The following SERPINE3 variants were observed in gnomAD, a reference collection of about 807,000 sequenced individuals.
SERPINE3 encodes the protein serpin E3.
In SERPINE3, 43 loss-of-function variants were observed where a neutral mutation model predicts 41.7. That is an observed-to-expected ratio of 1.03 (90% CI 0.81 to 1.33). The LOEUF (loss-of-function observed/expected upper bound fraction) is 1.33, where lower values mean the gene tolerates loss of function less well. Among genes scored for constraint, SERPINE3 ranks in the 40% most tolerant of loss-of-function variants. SERPINE3 has a pLI of 0.00. For synonymous variants in SERPINE3, 200 were observed against 192.2 expected (o/e 1.04, Z -0.34); for missense variants, 440 against 491.7 (o/e 0.89, Z 0.99).
At chr13:51,344,816 G>A (rs1367559662) in intron 4 of SERPINE3, among the ~76,000 whole-genome samples, 4 of 152,146 alleles carry the variant, frequency 2.6e-5, no homozygotes, top group East Asian at 3.9e-4. Context: ...ACTGTCCCCC[G>A]ACTGAGCTCT....
In SERPINE3 at chr13:51,358,549, T is replaced by C. The variant is rs574138701; in HGVS notation, c.1001-2729T>C. ...ACCAATCAGCATTTCCTTACAAGTTTAACAAGGTTAAAGAACATTAAGGCC... is the reference window on the plus strand; with the variant it reads ...ACCAATCAGCATTTCCTTACAAGTTCAACAAGGTTAAAGAACATTAAGGCC... On this transcript the variant is annotated intron_variant, in intron 7 of 9. Coordinates refer to ENST00000681248, the MANE Select transcript of SERPINE3 (RefSeq NM_001386375.1). Among the ~76,000 whole-genome samples the C allele has an allele frequency of 2.0e-3, 303 of 152,274 alleles. 1 individual carries two copies. The highest frequency in any genetic ancestry group is 6.7e-3 in the African/African-American group (280 of 41,574).
In SERPINE3 at chr13:51,347,595, C is replaced by G. The variant is rs375732921; in HGVS notation, c.700+361C>G. Among the ~76,000 whole-genome samples the G allele has an allele frequency of 3.2e-4, 48 of 152,284 alleles. No individual in the cohort carries two copies. In the Middle Eastern group the frequency reaches 0.01, roughly 32 times the overall value. ...GATCGGGTACAGTAGTACCCTGTAC[C>G]CTTATCCATGATTTTGCTTTTTTGA... On this transcript the variant is annotated intron_variant, in intron 5 of 9. Transcript: ENST00000681248.
intron 8 of SERPINE3, 113 bp downstream of exon 8, chr13:51,361,477 G>C (rs554741897): frequency 4.2e-6 from 3 of 715,448 alleles, no homozygotes. Context: ...GTTCAGGTGT[G>C]GTGTAGTATT....
intron 7 of SERPINE3, among the ~76,000 whole-genome samples, chr13:51,360,697 A>C (rs2137825348): frequency 6.6e-6 from 1 of 152,072 alleles, no homozygotes; most frequent in East Asian, 1.9e-4. Context: ...TGATACACCT[A>C]AGTATACAGA....
intron 5 of SERPINE3, 143 bp from the exon 6 acceptor site, chr13:51,348,070 G>A: frequency 1.6e-6 from 1 of 630,556 alleles, no homozygotes; most frequent in Admixed American, 2.9e-5. Context: ...ACAGTCTTTG[G>A]CCTGAAACCG....
chr13:51,356,318 C>T (rs988004154), intron 7 of SERPINE3, among the ~76,000 whole-genome samples: 7 of 151,930 alleles, frequency 4.6e-5, no homozygotes, highest in African/African-American at 1.7e-4. Context: ...CATAATCTGA[C>T]ATTTCAAGCA....
At chr13:51,348,534 T>C (rs568047524) in intron 6 of SERPINE3, 123 bp downstream of exon 6, 3 of 727,234 alleles carry the variant, frequency 4.1e-6, no homozygotes, top group South Asian at 1.8e-5. Context: ...GTTTAATATG[T>C]ATCCCCAGAA....
Position 51,355,863 on chromosome 13 carries a change from G to C in SERPINE3, c.1000+720G>C, listed in dbSNP as rs545692525. Among the ~76,000 whole-genome samples, 19 of 152,272 alleles carry C rather than the reference G, an allele frequency of 1.2e-4. 2 individuals are homozygous for C. The East Asian group carries it at 3.7e-3, about 29-fold the overall frequency. Reference sequence around the variant, plus strand: ...CTCAGGTTTGTTTCTACTCTGGATAGTAAATTATCTGTGCAAAGATGATAC... The same window carrying C: ...CTCAGGTTTGTTTCTACTCTGGATACTAAATTATCTGTGCAAAGATGATAC... On this transcript the variant is annotated intron_variant, in intron 7 of 9. Transcript: ENST00000681248.
rs144870005 is a variant in SERPINE3, at chr13:51,340,556, G to A, written c.-95-228G>A. On this transcript the variant is annotated intron_variant, in intron 1 of 9. Transcript: ENST00000681248. ...ACAAATGAGTCACTGGGCCTCAAAG[G>A]TTCAATCATCCTCTTTATAGATGAA... Among the ~76,000 whole-genome samples the A allele has an allele frequency of 2.0e-3, 303 of 152,256 alleles. 2 individuals carry two copies. The highest frequency in any genetic ancestry group is 7.0e-3 in the African/African-American group (291 of 41,552).
chr13:51,356,421 T>G (rs1955482621), intron 7 of SERPINE3, among the ~76,000 whole-genome samples: 1 of 152,188 alleles, frequency 6.6e-6, no homozygotes, highest in Non-Finnish European at 1.5e-5. Context: ...ATGTGCAAAA[T>G]CTAACCAGTG....
At chr13:51,354,552 T>C (rs1465052303) in intron 6 of SERPINE3, among the ~76,000 whole-genome samples, 2 of 151,714 alleles carry the variant, frequency 1.3e-5, no homozygotes, top group Non-Finnish European at 2.9e-5. Context: ...GGCCAGAAGT[T>C]TGAGTCCAGC....
intron 6 of SERPINE3, among the ~76,000 whole-genome samples, chr13:51,354,740 G>A (rs1566194898): frequency 6.6e-6 from 1 of 152,122 alleles, no homozygotes; most frequent in Non-Finnish European, 1.5e-5. Context: ...AAGAACCAAA[G>A]GTCACAAAAT....
chr13:51,355,714 A>G (rs1345095108), intron 7 of SERPINE3, among the ~76,000 whole-genome samples: 1 of 152,326 alleles, frequency 6.6e-6, no homozygotes, highest in East Asian at 1.9e-4. Flanking sequence ...ACCAATCAAT[A>G]GGTGCTGTTT....
At chr13:51,361,667 T>C (rs1955579786) in intron 8 of SERPINE3, 143 bp from the exon 9 acceptor site, 1 of 702,650 alleles carries the variant, frequency 1.4e-6, no homozygotes, top group Non-Finnish European at 2.3e-6. Flanking sequence ...AATTTTCCCA[T>C]CTGCACCCCC....
At position 51,364,444 on chromosome 13, in the gene SERPINE3, T is replaced by C. The variant is rs1955646374; in HGVS notation, c.*162T>C. 1 of 513,064 alleles carries C rather than the reference T, an allele frequency of 1.9e-6. No homozygotes were observed. The highest frequency in any genetic ancestry group is 3.4e-6 in the Non-Finnish European group (1 of 293,744). The allele number at this position is 513,064 out of a possible 1,614,324, so 31.8% of individuals were successfully genotyped here. On this transcript the variant is annotated 3_prime_UTR_variant, in exon 10 of 10. Coordinates refer to ENST00000681248, the MANE Select transcript of SERPINE3 (RefSeq NM_001386375.1). ...AAAATACTTCAGTTTTTAAATGTTA[T>C]AAGTTTATTTTGCCTACTCTTAATC...
chr13:51,356,654 C>T lies in SERPINE3; in HGVS notation c.1000+1511C>T, dbSNP rs561647648. Among the ~76,000 whole-genome samples, 415 of 152,292 alleles carry T rather than the reference C, an allele frequency of 2.7e-3. 7 individuals are homozygous for T. Among genetic ancestry groups the T allele is most frequent in the Non-Finnish European group, 4.1e-3 (277 of 68,026 alleles). ...TAATGTGCCATCAACCCTCTGTCCTCAAACAGGACTGATCTTAACACACAT... is the reference window on the plus strand; with the variant it reads ...TAATGTGCCATCAACCCTCTGTCCTTAAACAGGACTGATCTTAACACACAT... On this transcript the variant is annotated intron_variant, in intron 7 of 9. Coordinates refer to ENST00000681248, the MANE Select transcript of SERPINE3 (RefSeq NM_001386375.1).
intron 4 of SERPINE3, among the ~76,000 whole-genome samples, chr13:51,345,421 C>T (rs1358238799): frequency 2.0e-5 from 3 of 151,826 alleles, no homozygotes; most frequent in Admixed American, 1.3e-4. Flanking sequence ...GGTGAAACCC[C>T]GTCTCTACTA....
chr13:51,341,277 G>A lies in SERPINE3; in HGVS notation c.186G>A (p.Glu62=), dbSNP rs1374143144. 6.2e-7 allele frequency: 1 copy of A among 1,613,956 alleles called. No individual in the cohort carries two copies. The highest frequency in any genetic ancestry group is 1.1e-5 in the South Asian group (1 of 91,056). The stretch of plus-strand genomic sequence containing the variant: ...CTGCTGGTGTGTCCCTCCCCCTGGA[G>A]ATCCTGCAGTTTGGAGCAGAAGGGA... The part of the protein sequence containing the change: ...ISPAGVSLPL[E]ILQFGAEGST... The change falls in exon 3 of 10, where the codon GAG becomes GAA. Residue 62 remains glutamate (E), a synonymous_variant. Transcript: ENST00000681248.
chr13:51,347,128 GC>G lies in SERPINE3; in HGVS notation c.595del (p.Arg199GlufsTer26). 1 of 1,613,598 alleles carries G rather than the reference GC, an allele frequency of 6.2e-7. No individual in the cohort carries two copies. The highest frequency in any genetic ancestry group is 1.1e-5 in the South Asian group (1 of 90,896). ...GCACCATGTCCTTCCAAGGCACTTG[GC>G]GAAAGAGATTCTCCTCCACAGACAC... is the stretch of plus-strand genomic sequence containing the variant. ...VSTMSFQGTW[R>X]KRFSSTDTQI... On this transcript the variant is annotated frameshift_variant, in exon 5 of 10. Coordinates refer to ENST00000681248, the MANE Select transcript of SERPINE3 (RefSeq NM_001386375.1). LOFTEE classifies it high-confidence loss of function.
Sources: gnomAD v4.1 joint callset for allele counts (sites outside exome capture counted in the v4.1 genomes callset) on GRCh38, gnomAD v4.1.1 for gene constraint, MANE v1.5 for transcripts, NCBI Gene and HGNC (gene_info 2026-07-23, HGNC 2026-07-21) for gene names.